The following CEP112 variants were observed in gnomAD, a reference collection of about 807,000 sequenced individuals.
CEP112 encodes centrosomal protein 112.
A neutral mutation model predicts 153.0 loss-of-function variants in CEP112; 127 were observed. The observed-to-expected ratio is 0.83, with a 90% confidence interval of 0.72 to 0.96. CEP112 has a LOEUF of 0.96. Among genes scored for constraint, CEP112 ranks in the 40% least tolerant of loss-of-function variants. The probability of loss-of-function intolerance (pLI) is 0.00; values close to 1 mark genes in which losing one functional copy is unlikely to be tolerated. For synonymous variants in CEP112, 358 were observed against 374.4 expected (o/e 0.96, Z 0.51); for missense variants, 1,089 against 1,101.2 (o/e 0.99, Z 0.16).
In CEP112 at chr17:66,078,253, TTTTCTTTTTC is replaced by T. The variant is rs796284238; in HGVS notation, c.769-8262_769-8253del. On this transcript the variant is annotated intron_variant, in intron 8 of 26. Coordinates refer to ENST00000535342, the MANE Select transcript of CEP112 (RefSeq NM_001199165.4). ...TTTTGTATCTTTTTTTTTTCTTTTC[TTTTCTTTTTC>T]TTTTTTTTTTTTTTGAGACGGAGTC... 6.5e-4 allele frequency among the ~76,000 whole-genome samples: 34 copies of T among 52,408 alleles called. No individual in the cohort carries two copies. The East Asian group carries it at 0.07, about 109-fold the overall frequency. 34.4% of individuals were successfully genotyped at this position (52,408 alleles called of 152,430 possible).
chr17:65,935,576 A>G (rs2061279150), intron 18 of CEP112, among the ~76,000 whole-genome samples: 1 of 152,212 alleles, frequency 6.6e-6, no homozygotes, highest in South Asian at 2.1e-4. Context: ...GTCTTTTTCA[A>G]TCACAATGGT....
At chr17:66,147,900 A>C (rs2070991884) in intron 4 of CEP112, among the ~76,000 whole-genome samples, 1 of 152,190 alleles carries the variant, frequency 6.6e-6, no homozygotes, top group African/African-American at 2.4e-5. Flanking sequence ...CTGTTTTGAT[A>C]ACAGTGGCTT....
At chr17:65,690,865 G>A (rs1323807030) in intron 23 of CEP112, among the ~76,000 whole-genome samples, 1 of 152,150 alleles carries the variant, frequency 6.6e-6, no homozygotes, top group Non-Finnish European at 1.5e-5. Context: ...TTTGCCCAGA[G>A]ATAGACAGGA....
At chr17:66,156,435 C>T (rs558242773) in intron 4 of CEP112, among the ~76,000 whole-genome samples, 78 of 152,230 alleles carry the variant, frequency 5.1e-4, no homozygotes, top group African/African-American at 1.9e-3. Context: ...AAAACCAGCA[C>T]AAAAAGGCTG....
intron 10 of CEP112, among the ~76,000 whole-genome samples, chr17:66,066,332 C>CTATCAGACTT (rs1322272804): frequency 6.6e-6 from 1 of 152,068 alleles, no homozygotes; most frequent in Non-Finnish European, 1.5e-5. Context: ...CCAGCAAATA[C>CTATCAGACTT]TATCAGACAT....
intron 18 of CEP112, among the ~76,000 whole-genome samples, chr17:65,945,442 TTC>T (rs1231797485): frequency 1.3e-5 from 2 of 152,234 alleles, no homozygotes; most frequent in East Asian, 3.8e-4. Context: ...ATATTTAGTT[TTC>T]TTAGATATTG....
chr17:65,711,164 C>T (rs1420173236), intron 23 of CEP112, among the ~76,000 whole-genome samples: 1 of 152,184 alleles, frequency 6.6e-6, no homozygotes, highest in Non-Finnish European at 1.5e-5. Flanking sequence ...TCTCCCAGCA[C>T]TAAATTCAAC....
chr17:65,769,800 G>A (rs2053230247), intron 21 of CEP112, among the ~76,000 whole-genome samples: 1 of 152,012 alleles, frequency 6.6e-6, no homozygotes, highest in Non-Finnish European at 1.5e-5. Context: ...TTTTCCCTGT[G>A]AGTTTACTTC....
chr17:66,085,589 ATGTATCAGT>A (rs2067891443), intron 8 of CEP112, among the ~76,000 whole-genome samples: 1 of 152,228 alleles, frequency 6.6e-6, no homozygotes, highest in Non-Finnish European at 1.5e-5. Context: ...ATAAAACATG[ATGTATCAGT>A]AAAGTAAAAT....
At chr17:65,865,522 C>A (rs559999306) in intron 20 of CEP112, among the ~76,000 whole-genome samples, 90 of 152,354 alleles carry the variant, frequency 5.9e-4, no homozygotes, top group African/African-American at 2.1e-3. Context: ...CCTAGTGCAC[C>A]ACCCACACCC....
chr17:65,919,139 G>A (rs903509362), intron 19 of CEP112, among the ~76,000 whole-genome samples: 56 of 152,236 alleles, frequency 3.7e-4, no homozygotes, highest in African/African-American at 1.2e-3. Flanking sequence ...GCCTCTGCAA[G>A]CTGGAAGTTT....
chr17:65,902,075 G>T (rs973382579), intron 20 of CEP112, 77 bp downstream of exon 20: 27 of 905,700 alleles, frequency 3.0e-5, no homozygotes, highest in Non-Finnish European at 3.9e-5. Context: ...GCATCAATAA[G>T]AATAATAAGA....
At chr17:66,023,362 A>G (rs758760027) in intron 16 of CEP112, among the ~76,000 whole-genome samples, 3 of 152,214 alleles carry the variant, frequency 2.0e-5, no homozygotes, top group Admixed American at 1.3e-4. Flanking sequence ...TCAGACTAAC[A>G]TCAGACTTCT....
At chr17:65,882,525 C>T (rs1157991623) in intron 20 of CEP112, among the ~76,000 whole-genome samples, 1 of 152,142 alleles carries the variant, frequency 6.6e-6, no homozygotes, top group Non-Finnish European at 1.5e-5. Context: ...ACAAGCAAAG[C>T]CCAGATCTAA....
At chr17:65,992,286 C>T (rs6504385) in intron 17 of CEP112, among the ~76,000 whole-genome samples, 151,706 of 152,296 alleles carry the variant, frequency 1, 75,560 homozygotes, top group Middle Eastern at 1. Flanking sequence ...TTAAAAGTGT[C>T]ATAGGAAAGC....
At chr17:65,887,875 T>G (rs973734793) in intron 20 of CEP112, among the ~76,000 whole-genome samples, 9 of 152,202 alleles carry the variant, frequency 5.9e-5, no homozygotes, top group African/African-American at 2.2e-4. Flanking sequence ...GTGTTTCCTC[T>G]TTCAGGTCTC....
chr17:65,971,207 ATG>A lies in CEP112; in HGVS notation c.1737-9611_1737-9610del, dbSNP rs1377051275. Among the ~76,000 whole-genome samples the A allele has an allele frequency of 4.3e-4, 66 of 152,296 alleles. 1 individual carries two copies. Among genetic ancestry groups the A allele is most frequent in the Admixed American group, 2.9e-3 (45 of 15,296 alleles). On this transcript the variant is annotated intron_variant, in intron 17 of 26. Coordinates refer to ENST00000535342, the MANE Select transcript of CEP112 (RefSeq NM_001199165.4). Reference sequence around the variant, plus strand: ...AGCACATGCATATCACATTGCACGTATGTATATCACATGTATATTACATACGT... The same window carrying A: ...AGCACATGCATATCACATTGCACGTATATATCACATGTATATTACATACGT...
chr17:66,077,416 A>C (rs1382819102), intron 8 of CEP112, among the ~76,000 whole-genome samples: 3 of 152,236 alleles, frequency 2.0e-5, no homozygotes, highest in Non-Finnish European at 4.4e-5. Context: ...AATGCTCTGC[A>C]AAGTCTCAGC....
intron 4 of CEP112, among the ~76,000 whole-genome samples, chr17:66,162,541 C>T (rs960323628): frequency 2.0e-4 from 31 of 152,094 alleles, no homozygotes; most frequent in Non-Finnish European, 4.3e-4. Flanking sequence ...AAAGTCCAAC[C>T]ATGGTACAAT....
Sources: gnomAD v4.1 joint callset for allele counts (sites outside exome capture counted in the v4.1 genomes callset) on GRCh38, gnomAD v4.1.1 for gene constraint, MANE v1.5 for transcripts, NCBI Gene and HGNC (gene_info 2026-07-23, HGNC 2026-07-21) for gene names.